FRMD3: variants seen among roughly 807,000 people sequenced by gnomAD.
FRMD3 encodes FERM domain-containing protein 3.
FRMD3 carries 33 observed loss-of-function variants against 70.2 expected under a neutral mutation model. The observed-to-expected ratio is 0.47, with a 90% confidence interval of 0.36 to 0.63. FRMD3 has a LOEUF of 0.63. FRMD3 is among the 20% of genes least tolerant of loss of function. The pLI, the probability that FRMD3 is intolerant of heterozygous loss-of-function variation, is 0.00. For missense variants in FRMD3, 632 were observed against 711.4 expected (o/e 0.89, Z 1.27); for synonymous variants, 279 against 255.9 (o/e 1.09, Z -0.86).
intron 3 of FRMD3, among the ~76,000 whole-genome samples, chr9:83,355,376 C>T (rs1268074489): frequency 6.6e-6 from 1 of 152,208 alleles, no homozygotes; most frequent in South Asian, 2.1e-4. Context: ...CTTTACTAGA[C>T]TGGGCAGCAT....
At chr9:83,525,115 G>A (rs959072749) in intron 1 of FRMD3, among the ~76,000 whole-genome samples, 4 of 152,008 alleles carry the variant, frequency 2.6e-5, no homozygotes, top group East Asian at 1.9e-4. Flanking sequence ...CTCAGTTTAC[G>A]TGTAAAGACC....
chr9:83,250,302 G>A (rs532775512), intron 13 of FRMD3, among the ~76,000 whole-genome samples: 2 of 152,314 alleles, frequency 1.3e-5, no homozygotes, highest in South Asian at 4.1e-4. Flanking sequence ...CGGATCAGGA[G>A]ATGCCCTTAT....
chr9:83,467,730 G>A (rs1014820447), intron 1 of FRMD3: 1 of 1,528,744 alleles, frequency 6.5e-7, no homozygotes, highest in African/African-American at 1.4e-5. Flanking sequence ...CTGTCTCTGG[G>A]AGCTCTAGGG....
At chr9:83,562,224 GA>G in the FRMD3 span, among the ~76,000 whole-genome samples, 1 of 152,152 alleles carries the variant, frequency 6.6e-6, no homozygotes, top group Admixed American at 6.5e-5. Flanking sequence ...CACAAATTGG[GA>G]TTAGATTGTT....
intron 1 of FRMD3, among the ~76,000 whole-genome samples, chr9:83,440,988 G>C (rs754257373): frequency 6.6e-6 from 1 of 152,188 alleles, no homozygotes; most frequent in Non-Finnish European, 1.5e-5. Context: ...GAAGCTTAAA[G>C]AGCCAGTGAG....
In FRMD3 at chr9:83,500,502, G is replaced by GCGCACACA. The variant is rs1367435493; in HGVS notation, c.147+37582_147+37583insTGTGTGCG. Among the ~76,000 whole-genome samples the GCGCACACA allele has an allele frequency of 5.3e-3, 762 of 143,800 alleles. 11 individuals carry two copies. Among genetic ancestry groups the GCGCACACA allele is most frequent in the African/African-American group, 0.019 (734 of 39,100 alleles). The allele number at this position is 143,800 out of a possible 152,430, so 94.3% of individuals were successfully genotyped here. On this transcript the variant is annotated intron_variant, in intron 1 of 13. Coordinates refer to ENST00000304195, the MANE Select transcript of FRMD3 (RefSeq NM_174938.6). ...CATAGAGTGCTTGGCGTGTATGCGC[G>GCGCACACA]CACACACACACACACACACACACAC... is the stretch of plus-strand genomic sequence containing the variant.
chr9:83,581,911 T>C, the FRMD3 span, among the ~76,000 whole-genome samples: 4 of 152,102 alleles, frequency 2.6e-5, no homozygotes, highest in Non-Finnish European at 5.9e-5. Context: ...TGGGGAGTGA[T>C]GGGTACATGG....
At chr9:83,471,455 A>G (rs1185891365) in intron 1 of FRMD3, among the ~76,000 whole-genome samples, 1 of 152,128 alleles carries the variant, frequency 6.6e-6, no homozygotes, top group Non-Finnish European at 1.5e-5. Flanking sequence ...GCTATCATTC[A>G]CAAGGGAAGG....
At chr9:83,506,011 C>A (rs1320693505) in intron 1 of FRMD3, among the ~76,000 whole-genome samples, 2 of 152,144 alleles carry the variant, frequency 1.3e-5, no homozygotes, top group Admixed American at 6.5e-5. Flanking sequence ...TGCACCAACG[C>A]CCCATGAACA....
intron 1 of FRMD3, among the ~76,000 whole-genome samples, chr9:83,506,656 C>G (rs1232701857): frequency 6.6e-6 from 1 of 152,138 alleles, no homozygotes. Context: ...TTACGCTACA[C>G]CACTGTAGAC....
rs1369859369 is a variant in FRMD3 at position 83,343,185 on chromosome 9, C to T, written c.472+5G>A. ...GTGGCGTGGGTGAGCTGTGGCCAGA[C>T]TTACCTTGAACAATACAGGCACCCA... On this transcript the variant is annotated splice_donor_5th_base_variant and intron_variant, in intron 5 of 13. Coordinates refer to ENST00000304195, the MANE Select transcript of FRMD3 (RefSeq NM_174938.6). 6.2e-7 allele frequency: 1 copy of T among 1,608,254 alleles called. No homozygotes were observed. Among genetic ancestry groups the T allele is most frequent in the East Asian group, 2.2e-5 (1 of 44,848 alleles).
At chr9:83,382,739 T>G (rs1825394960) in intron 2 of FRMD3, among the ~76,000 whole-genome samples, 1 of 152,158 alleles carries the variant, frequency 6.6e-6, no homozygotes, top group Admixed American at 6.5e-5. Context: ...TTCTTTTCTT[T>G]CTGCTCTGTC....
At chr9:83,303,336 C>G (rs781734628) in intron 10 of FRMD3, among the ~76,000 whole-genome samples, 3 of 152,216 alleles carry the variant, frequency 2.0e-5, no homozygotes, top group Non-Finnish European at 4.4e-5. Flanking sequence ...GGTTTAATCA[C>G]TTTACCATGG....
At chr9:83,434,321 T>C (rs3860923) in intron 1 of FRMD3, among the ~76,000 whole-genome samples, 5,799 of 152,048 alleles carry the variant, frequency 0.038, 190 homozygotes, top group East Asian at 0.16. Flanking sequence ...GGCAGTGGAG[T>C]TAGACACAGG....
chr9:83,344,753 T>A (rs912229425), intron 4 of FRMD3, among the ~76,000 whole-genome samples: 2 of 151,900 alleles, frequency 1.3e-5, no homozygotes, highest in Admixed American at 1.3e-4. Context: ...GCCCTCATAA[T>A]CACATGGGCC....
chr9:83,244,563 G>T, downstream of FRMD3: 1 of 536,162 alleles, frequency 1.9e-6, no homozygotes, highest in Non-Finnish European at 2.4e-6. Context: ...TCCTTTTATA[G>T]TTTCCAACAA....
intron 6 of FRMD3, among the ~76,000 whole-genome samples, chr9:83,324,516 A>G (rs576863796): frequency 1.1e-3 from 161 of 152,322 alleles, no homozygotes; most frequent in Middle Eastern, 3.4e-3. Context: ...ACATTTTGTA[A>G]TGATGAAAAG....
intron 2 of FRMD3, among the ~76,000 whole-genome samples, chr9:83,373,175 TCAGA>T (rs2131258418): frequency 6.6e-6 from 1 of 152,274 alleles, no homozygotes; most frequent in African/African-American, 2.4e-5. Flanking sequence ...AATATGTGAG[TCAGA>T]CAGTTGCTAG....
At chr9:83,568,916 A>G in the FRMD3 span, among the ~76,000 whole-genome samples, 1 of 132,106 alleles carries the variant, frequency 7.6e-6, no homozygotes, top group Non-Finnish European at 1.6e-5. Context: ...ACTTGTTAGA[A>G]AAGATAGATA....
Sources: allele counts gnomAD v4.1 joint callset (sites outside exome capture counted in the v4.1 genomes callset), GRCh38; gene constraint gnomAD v4.1.1; transcripts MANE v1.5; gene names NCBI Gene and HGNC (gene_info 2026-07-23, HGNC 2026-07-21).